FLVCR2: variants seen among roughly 807,000 people sequenced by gnomAD.
FLVCR2 encodes FLVCR choline and putative heme transporter 2.
Under a neutral mutation model 48.9 loss-of-function variants are expected in FLVCR2, and 38 were observed. The ratio of observed to expected loss-of-function variants is 0.78; its 90% CI spans 0.60 to 1.02. FLVCR2 has a LOEUF of 1.02. Ranked by LOEUF, FLVCR2 falls within the 50% of genes least tolerant of loss-of-function variation. The pLI is 0.00. For missense variants in FLVCR2, 664 were observed against 663.3 expected, an observed-to-expected ratio of 1.00 and a Z score of -0.01; for synonymous variants, 255 against 257.0, an observed-to-expected ratio of 0.99 and a Z score of 0.07.
chr14:75,616,431 C>G (rs1291614300), intron 1 of FLVCR2, among the ~76,000 whole-genome samples: 1 of 152,132 alleles, frequency 6.6e-6, no homozygotes, highest in Non-Finnish European at 1.5e-5. Flanking sequence ...TGGAAGCCTT[C>G]AGCCTCAGGG....
intron 1 of FLVCR2, among the ~76,000 whole-genome samples, chr14:75,580,247 G>C (rs994592481): frequency 1.3e-5 from 2 of 152,222 alleles, no homozygotes; most frequent in African/African-American, 4.8e-5. Flanking sequence ...AGAAAGGGTA[G>C]TTCATGTCTT....
intron 5 of FLVCR2, among the ~76,000 whole-genome samples, chr14:75,637,370 G>A (rs945962234): frequency 3.9e-5 from 6 of 152,204 alleles, no homozygotes; most frequent in East Asian, 1.9e-4. Flanking sequence ...TGACACAACC[G>A]TAGCGTGCCA....
intron 1 of FLVCR2, among the ~76,000 whole-genome samples, chr14:75,596,790 C>T (rs1033157529): frequency 4.8e-5 from 6 of 124,658 alleles, no homozygotes; most frequent in African/African-American, 1.2e-4. Flanking sequence ...GCCCCCCCCC[C>T]CCGCCCCCAC....
intron 5 of FLVCR2, among the ~76,000 whole-genome samples, chr14:75,636,153 G>A (rs1022720905): frequency 2.0e-5 from 3 of 151,978 alleles, no homozygotes; most frequent in African/African-American, 4.8e-5. Flanking sequence ...CAGTGTCCCC[G>A]GCTGCTCTGT....
intron 1 of FLVCR2, among the ~76,000 whole-genome samples, chr14:75,589,059 T>TA (rs200529573): frequency 1.4e-3 from 204 of 150,886 alleles, no homozygotes; most frequent in Middle Eastern, 3.4e-3. Context: ...TTTTTTTTTT[T>TA]AAAAAAAGAA....
intron 1 of FLVCR2, among the ~76,000 whole-genome samples, chr14:75,591,672 A>G (rs2140009304): frequency 6.6e-6 from 1 of 151,562 alleles, no homozygotes; most frequent in African/African-American, 2.4e-5. Flanking sequence ...CCTAGTGAAG[A>G]CTCTTTGCAG....
chr14:75,617,134 G>GTGTGT (rs1296063321), intron 1 of FLVCR2, among the ~76,000 whole-genome samples: 1 of 152,190 alleles, frequency 6.6e-6, no homozygotes, highest in Non-Finnish European at 1.5e-5. Flanking sequence ...GGCATAGCAT[G>GTGTGT]TGTGTTGTGT....
At chr14:75,599,970 T>TG (rs1037656738) in intron 1 of FLVCR2, among the ~76,000 whole-genome samples, 10 of 152,170 alleles carry the variant, frequency 6.6e-5, no homozygotes, top group Admixed American at 5.9e-4. Flanking sequence ...GAATAGGGGC[T>TG]GGGTAAAATG....
chr14:75,583,328 G>T (rs1361240984), intron 1 of FLVCR2, among the ~76,000 whole-genome samples: 1 of 152,210 alleles, frequency 6.6e-6, no homozygotes. Context: ...TGGCGGAATT[G>T]TAGGGAGAGT....
intron 1 of FLVCR2, among the ~76,000 whole-genome samples, chr14:75,610,570 C>G (rs1463136042): frequency 6.6e-6 from 1 of 152,176 alleles, no homozygotes; most frequent in East Asian, 1.9e-4. Flanking sequence ...TTGCACCCCC[C>G]ACAAAGATGA....
At chr14:75,636,524 A>G (rs955793156) in intron 5 of FLVCR2, among the ~76,000 whole-genome samples, 1 of 152,192 alleles carries the variant, frequency 6.6e-6, no homozygotes, top group African/African-American at 2.4e-5. Context: ...GGGCTGGGAC[A>G]TGGGCAGCCG....
At chr14:75,632,551 ACCTTAG>A in intron 3 of FLVCR2, 1 of 693,950 alleles carries the variant, frequency 1.4e-6, no homozygotes, top group East Asian at 2.7e-5. Context: ...CTTCCCTTGC[ACCTTAG>A]CCATCATCTG....
At chr14:75,625,121 A>G (rs994336916) in intron 3 of FLVCR2, among the ~76,000 whole-genome samples, 1 of 152,030 alleles carries the variant, frequency 6.6e-6, no homozygotes, top group Admixed American at 6.6e-5. Flanking sequence ...ATTAGACTGA[A>G]CTCTCTGAGT....
At chr14:75,585,247 T>C (rs1888714911) in intron 1 of FLVCR2, among the ~76,000 whole-genome samples, 1 of 152,072 alleles carries the variant, frequency 6.6e-6, no homozygotes, top group African/African-American at 2.4e-5. Flanking sequence ...GGGACTAATG[T>C]GTAAAAGAAT....
chr14:75,624,828 T>C (rs1889858599), intron 3 of FLVCR2, 76 bp downstream of exon 3: 1 of 1,547,056 alleles, frequency 6.5e-7, no homozygotes, highest in African/African-American at 1.4e-5. Flanking sequence ...CTTCATATAT[T>C]ACTCTTTCTA....
chr14:75,627,184 G>A (rs1164078626), intron 3 of FLVCR2, among the ~76,000 whole-genome samples: 3 of 151,908 alleles, frequency 2.0e-5, no homozygotes, highest in African/African-American at 4.9e-5. Flanking sequence ...ATCTGACAAA[G>A]TAGTTTTAAT....
chr14:75,580,398 T>A (rs1888565588), intron 1 of FLVCR2, among the ~76,000 whole-genome samples: 1 of 152,238 alleles, frequency 6.6e-6, no homozygotes, highest in South Asian at 2.1e-4. Context: ...ATGGGAATAT[T>A]TAAAGCAAAC....
At chr14:75,602,232 C>A (rs1164323319) in intron 1 of FLVCR2, among the ~76,000 whole-genome samples, 1 of 152,216 alleles carries the variant, frequency 6.6e-6, no homozygotes, top group Non-Finnish European at 1.5e-5. Context: ...CCCCTCCCCT[C>A]CCCTCCCCTC....
chr14:75,638,340 G>A (rs1330951471), intron 5 of FLVCR2, among the ~76,000 whole-genome samples: 2 of 152,204 alleles, frequency 1.3e-5, no homozygotes, highest in Non-Finnish European at 2.9e-5. Context: ...GGGAGGCTGA[G>A]GCAGAAGAAT....
Sources: gnomAD v4.1 joint callset for allele counts (sites outside exome capture counted in the v4.1 genomes callset) on GRCh38, gnomAD v4.1.1 for gene constraint, MANE v1.5 for transcripts, NCBI Gene and HGNC (gene_info 2026-07-23, HGNC 2026-07-21) for gene names.